The following PTPN4 variants were observed in gnomAD, a reference collection of about 807,000 sequenced individuals.
PTPN4 encodes protein tyrosine phosphatase non-receptor type 4, also known as tyrosine-protein phosphatase non-receptor type 4.
A neutral mutation model predicts 135.5 loss-of-function variants in PTPN4; 49 were observed. The ratio of observed to expected loss-of-function variants is 0.36; its 90% CI spans 0.29 to 0.46. The LOEUF (loss-of-function observed/expected upper bound fraction) is 0.46, where lower values mean the gene tolerates loss of function less well. Ranked by LOEUF, PTPN4 falls within the 20% of genes least tolerant of loss-of-function variation. PTPN4 has a pLI of 1.00. For synonymous variants in PTPN4, 333 were observed against 369.9 expected (o/e 0.90, Z 1.14); for missense variants, 860 against 1,101.0 (o/e 0.78, Z 3.10).
At chr2:119,765,319 A>G (rs1299692592) in intron 1 of PTPN4, among the ~76,000 whole-genome samples, 1 of 152,212 alleles carries the variant, frequency 6.6e-6, no homozygotes, top group Admixed American at 6.5e-5. Flanking sequence ...CAGGTGATAT[A>G]CCATAACTGA....
chr2:119,807,001 G>A (rs562102578), intron 1 of PTPN4, among the ~76,000 whole-genome samples: 142 of 152,208 alleles, frequency 9.3e-4, no homozygotes, highest in African/African-American at 3.1e-3. Context: ...CAAAATTAAG[G>A]TAGAAATAAA....
intron 10 of PTPN4, among the ~76,000 whole-genome samples, chr2:119,904,333 C>A (rs547324578): frequency 6.6e-6 from 1 of 152,016 alleles, no homozygotes; most frequent in Admixed American, 6.5e-5. Flanking sequence ...ATTTCTGAAC[C>A]CGAAGACAGG....
chr2:119,909,306 A>G (rs181068978), intron 10 of PTPN4, among the ~76,000 whole-genome samples: 1 of 152,318 alleles, frequency 6.6e-6, no homozygotes, highest in Non-Finnish European at 1.5e-5. Context: ...GCCAGTGCTC[A>G]TTTACCATTC....
intron 26 of PTPN4, among the ~76,000 whole-genome samples, chr2:119,968,720 AG>A (rs1297115148): frequency 1.2e-4 from 19 of 152,246 alleles, no homozygotes; most frequent in African/African-American, 4.6e-4. Flanking sequence ...TGAACCCGGG[AG>A]GCGGAGCTTG....
At chr2:119,976,026 C>G (rs1267773022) in intron 26 of PTPN4, among the ~76,000 whole-genome samples, 1 of 141,330 alleles carries the variant, frequency 7.1e-6, no homozygotes, top group African/African-American at 2.7e-5. Context: ...GACGGAGTCT[C>G]GTTCTGTTGC....
intron 25 of PTPN4, 74 bp from the exon 26 acceptor site, chr2:119,967,763 T>G (rs1679466758): frequency 2.4e-6 from 3 of 1,243,040 alleles, no homozygotes; most frequent in Non-Finnish European, 3.2e-6. Context: ...TATAATTCAG[T>G]TTTATGCACA....
intron 10 of PTPN4, among the ~76,000 whole-genome samples, chr2:119,903,066 TACAG>T (rs1678430425): frequency 6.6e-6 from 1 of 152,140 alleles, no homozygotes; most frequent in Non-Finnish European, 1.5e-5. Flanking sequence ...GCACCCAGGA[TACAG>T]CTAGGTCCTC....
chr2:119,842,442 A>T (rs1333567816), intron 2 of PTPN4, among the ~76,000 whole-genome samples: 2 of 152,196 alleles, frequency 1.3e-5, no homozygotes, highest in Admixed American at 1.3e-4. Context: ...AATTGTAAAA[A>T]TGAACTTCTG....
chr2:119,944,375 G>A (rs1044184231), intron 15 of PTPN4, among the ~76,000 whole-genome samples: 1 of 152,164 alleles, frequency 6.6e-6, no homozygotes, highest in African/African-American at 2.4e-5. Context: ...TTTGTGGAAT[G>A]CTCACAAGTA....
intron 10 of PTPN4, among the ~76,000 whole-genome samples, chr2:119,909,056 G>A (rs906699720): frequency 6.6e-6 from 1 of 152,126 alleles, no homozygotes; most frequent in African/African-American, 2.4e-5. Flanking sequence ...TGGTTCATGA[G>A]GCTTAAGAAA....
At chr2:119,867,005 A>G (rs751196562) in intron 3 of PTPN4, among the ~76,000 whole-genome samples, 1 of 152,134 alleles carries the variant, frequency 6.6e-6, no homozygotes, top group African/African-American at 2.4e-5. Context: ...GGTGCACAGA[A>G]GTGTTTAAGA....
chr2:119,785,239 G>C (rs11681963), intron 1 of PTPN4, among the ~76,000 whole-genome samples: 1 of 151,866 alleles, frequency 6.6e-6, no homozygotes, highest in South Asian at 2.1e-4. Flanking sequence ...CTCTACATTC[G>C]TGTTTCTCAA....
In PTPN4 at chr2:119,946,655, A is replaced by G. The variant is rs780992188; in HGVS notation, c.1656+81A>G. 6.3e-6 allele frequency: 7 copies of G among 1,104,430 alleles called. No homozygotes were observed. In the South Asian group the frequency reaches 1.0e-4, roughly 16 times the overall value. The allele number at this position is 1,104,430 out of a possible 1,614,324, so 68.4% of individuals were successfully genotyped here. A position where few individuals can be genotyped will look rare whatever the true frequency, so the allele number is the denominator to read the frequency against. ...TATAATTCTTACTAGTTTAAATAAA[A>G]CAAGGAATTTCATCATTTCTTTTAT... On this transcript the variant is annotated intron_variant, in intron 18 of 26. Transcript: ENST00000263708.
intron 10 of PTPN4, among the ~76,000 whole-genome samples, chr2:119,906,454 G>T (rs549388165): frequency 3.3e-5 from 5 of 151,806 alleles, no homozygotes; most frequent in African/African-American, 4.8e-5. Flanking sequence ...CATTTTTCAC[G>T]TATCTACACG....
intron 11 of PTPN4, 132 bp downstream of exon 11, chr2:119,915,374 T>C: frequency 1.7e-6 from 1 of 603,182 alleles, no homozygotes; most frequent in Non-Finnish European, 2.7e-6. Context: ...GCTGAGGTAA[T>C]GAATTCACTT....
At position 119,760,329 on chromosome 2, in the gene PTPN4, C is replaced by T; in HGVS notation, c.-73C>T. 1 of 394,930 alleles carries T rather than the reference C, an allele frequency of 2.5e-6. No homozygotes were observed. Among genetic ancestry groups the T allele is most frequent in the Non-Finnish European group, 4.5e-6 (1 of 223,926 alleles). 24.5% of individuals were successfully genotyped at this position (394,930 alleles called of 1,614,324 possible). ...GAGGACGCGCTTCTCCTCTGCGCGCCGGGGCCTCGAGGCTTTTTTTCTCCA... is the reference window on the plus strand; with the variant it reads ...GAGGACGCGCTTCTCCTCTGCGCGCTGGGGCCTCGAGGCTTTTTTTCTCCA... On this transcript the variant is annotated 5_prime_UTR_variant, in exon 1 of 27. Transcript: ENST00000263708.
chr2:119,941,237 A>G (rs1679058024), intron 15 of PTPN4, among the ~76,000 whole-genome samples: 1 of 152,266 alleles, frequency 6.6e-6, no homozygotes, highest in South Asian at 2.1e-4. Context: ...CTGTTTAAGT[A>G]ATAAATATAT....
chr2:119,899,421 A>G (rs1574394625), intron 9 of PTPN4, among the ~76,000 whole-genome samples: 2 of 152,052 alleles, frequency 1.3e-5, no homozygotes, highest in East Asian at 3.8e-4. Flanking sequence ...TTTCCTACGT[A>G]GTTTGGGCTG....
intron 1 of PTPN4, among the ~76,000 whole-genome samples, chr2:119,790,983 C>T (rs1390524596): frequency 2.0e-5 from 3 of 152,256 alleles, no homozygotes; most frequent in African/African-American, 7.2e-5. Context: ...GTATTACTGT[C>T]ACACAAATTG....
Sources: allele counts gnomAD v4.1 joint callset (sites outside exome capture counted in the v4.1 genomes callset), GRCh38; gene constraint gnomAD v4.1.1; transcripts MANE v1.5; gene names NCBI Gene and HGNC (gene_info 2026-07-23, HGNC 2026-07-21).